ZBTB38: variants seen among roughly 807,000 people sequenced by gnomAD.
The protein encoded by ZBTB38 is zinc finger and BTB domain containing 38, also known as zinc finger and BTB domain-containing protein 38.
A neutral mutation model predicts 76.8 loss-of-function variants in ZBTB38; 20 were observed. The ratio of observed to expected loss-of-function variants is 0.26; its 90% confidence interval spans 0.18 to 0.38. The LOEUF (loss-of-function observed/expected upper bound fraction) is 0.38, where lower values mean the gene tolerates loss of function less well. Ranked by LOEUF, ZBTB38 falls within the 10% of genes least tolerant of loss-of-function variation. The probability of loss-of-function intolerance (pLI) is 1.00; values close to 1 mark genes in which losing one functional copy is unlikely to be tolerated. For synonymous variants in ZBTB38, 504 were observed against 544.2 expected (o/e 0.93, Z 1.03); for missense variants, 1,082 against 1,482.3 (o/e 0.73, Z 4.43).
chr3:141,338,321 C>T (rs575609993), intron 1 of ZBTB38, among the ~76,000 whole-genome samples: 61 of 152,294 alleles, frequency 4.0e-4, no homozygotes, highest in African/African-American at 1.4e-3. Flanking sequence ...GAATATAAAT[C>T]GTTCTGCTGT....
At chr3:141,356,662 C>T (rs1943672534) in intron 1 of ZBTB38, among the ~76,000 whole-genome samples, 1 of 151,314 alleles carries the variant, frequency 6.6e-6, no homozygotes, top group Non-Finnish European at 1.5e-5. Context: ...CTCTCCTCAT[C>T]GAGTTGGTCA....
intron 2 of ZBTB38, among the ~76,000 whole-genome samples, chr3:141,373,804 T>C (rs1053433131): frequency 2.0e-5 from 3 of 152,206 alleles, no homozygotes; most frequent in African/African-American, 7.2e-5. Context: ...CAAAATGATA[T>C]GGGCAACTTA....
At chr3:141,358,203 G>A (rs1310512263) in intron 1 of ZBTB38, among the ~76,000 whole-genome samples, 5 of 152,182 alleles carry the variant, frequency 3.3e-5, no homozygotes, top group Non-Finnish European at 7.4e-5. Flanking sequence ...GGTGCAAGGG[G>A]CATTTCTGCC....
At chr3:141,358,562 A>G (rs778776402) in intron 1 of ZBTB38, among the ~76,000 whole-genome samples, 1 of 152,268 alleles carries the variant, frequency 6.6e-6, no homozygotes, top group Non-Finnish European at 1.5e-5. Flanking sequence ...TTCACACATC[A>G]TTCAATTCAC....
chr3:141,404,336 G>A (rs567982420), intron 5 of ZBTB38, among the ~76,000 whole-genome samples: 3 of 152,332 alleles, frequency 2.0e-5, no homozygotes, highest in Admixed American at 6.5e-5. Flanking sequence ...AGGATGCACT[G>A]ACATTGCTGA....
intron 5 of ZBTB38, among the ~76,000 whole-genome samples, chr3:141,405,159 C>G (rs1953925306): frequency 6.6e-6 from 1 of 152,192 alleles, no homozygotes; most frequent in Non-Finnish European, 1.5e-5. Context: ...CACTTGGGTA[C>G]TCAAGACCAG....
At position 141,444,754 on chromosome 3, in the gene ZBTB38, C is replaced by T. The variant is rs752377477; in HGVS notation, c.2366C>T (p.Pro789Leu). ...KTTSHTRGEI[P>L]EESNYVADPG... ...ACATCACATACCAGGGGAGAAATAC[C>T]GGAGGAGTCAAACTATGTTGCTGAT... Residue 789 changes from proline to leucine, a missense_variant, in exon 6 of 6, where the codon CCG becomes CTG. Coordinates refer to ENST00000321464, the MANE Select transcript of ZBTB38 (RefSeq NM_001376113.1). This position sits in a 1 kb window ranked among gnomAD's most constrained non-coding sequence, Gnocchi z 5.1. 32 of 1,613,934 alleles carry T rather than the reference C, an allele frequency of 2.0e-5. No individual in the cohort carries two copies. Among genetic ancestry groups the T allele is most frequent in the Admixed American group, 3.3e-5 (2 of 59,994 alleles).
intron 2 of ZBTB38, among the ~76,000 whole-genome samples, chr3:141,376,685 C>G (rs569172693): frequency 6.6e-6 from 1 of 152,342 alleles, no homozygotes; most frequent in South Asian, 2.1e-4. Context: ...CTCTGATACT[C>G]AGATGACATT....
intron 3 of ZBTB38, chr3:141,384,770 G>A (rs1291598152): frequency 6.6e-6 from 1 of 152,176 alleles, no homozygotes; most frequent in Non-Finnish European, 1.5e-5. Context: ...TCCACCATTG[G>A]TGTGAGACCA....
intron 5 of ZBTB38, among the ~76,000 whole-genome samples, chr3:141,435,850 G>C (rs1468638209): frequency 2.0e-5 from 3 of 151,878 alleles, no homozygotes; most frequent in African/African-American, 4.8e-5. Flanking sequence ...AAGTCCGATG[G>C]CCAGTTATCC....
chr3:141,439,218 A>G (rs1185138158), intron 5 of ZBTB38, among the ~76,000 whole-genome samples: 2 of 152,260 alleles, frequency 1.3e-5, no homozygotes, highest in South Asian at 2.1e-4. Context: ...TCATATCTCC[A>G]GTATAACTCT....
At chr3:141,338,528 C>T (rs565478042) in intron 1 of ZBTB38, among the ~76,000 whole-genome samples, 22 of 152,268 alleles carry the variant, frequency 1.4e-4, no homozygotes, top group African/African-American at 4.6e-4. Flanking sequence ...TTATCCTAAG[C>T]GAATTCATGC....
At chr3:141,414,675 G>A (rs910075333) in intron 5 of ZBTB38, among the ~76,000 whole-genome samples, 16 of 152,192 alleles carry the variant, frequency 1.1e-4, no homozygotes, top group African/African-American at 3.1e-4. Flanking sequence ...AGGCATGTCC[G>A]TCTTAAGGCA....
intron 3 of ZBTB38, among the ~76,000 whole-genome samples, chr3:141,381,764 A>G (rs971548696): frequency 1.3e-5 from 2 of 152,178 alleles, no homozygotes; most frequent in African/African-American, 4.8e-5. Flanking sequence ...CTGGCCACCT[A>G]CACCAGAAGA....
At chr3:141,353,303 G>A (rs1373101882) in intron 1 of ZBTB38, among the ~76,000 whole-genome samples, 1 of 151,652 alleles carries the variant, frequency 6.6e-6, no homozygotes, top group African/African-American at 2.4e-5. Flanking sequence ...CATGAGTTCT[G>A]GCCCTTCCCC....
chr3:141,436,777 C>T (rs1248986384), intron 5 of ZBTB38, among the ~76,000 whole-genome samples: 4 of 152,188 alleles, frequency 2.6e-5, no homozygotes, highest in Admixed American at 2.6e-4. Flanking sequence ...GGATTACAGG[C>T]ATGAGCCACC....
At chr3:141,351,802 T>C (rs895984341) in intron 1 of ZBTB38, among the ~76,000 whole-genome samples, 1 of 151,736 alleles carries the variant, frequency 6.6e-6, no homozygotes, top group African/African-American at 2.4e-5. Context: ...AGGTTGAAAA[T>C]GTTAAATATT....
intron 1 of ZBTB38, among the ~76,000 whole-genome samples, chr3:141,341,031 T>C (rs1187081504): frequency 1.4e-5 from 2 of 147,250 alleles, no homozygotes; most frequent in South Asian, 4.4e-4. Context: ...GATAGACAAG[T>C]GGTTAATAAG....
At chr3:141,326,881 C>T (rs958089793) in intron 1 of ZBTB38, among the ~76,000 whole-genome samples, 5 of 152,128 alleles carry the variant, frequency 3.3e-5, no homozygotes, top group African/African-American at 1.2e-4. Flanking sequence ...TTTGTGGCAC[C>T]AGTAGAACAA....
Sources: gnomAD v4.1 joint callset for allele counts (sites outside exome capture counted in the v4.1 genomes callset) on GRCh38, gnomAD v4.1.1 for gene constraint, Gnocchi (gnomAD v3.1) non-coding constraint, MANE v1.5 for transcripts, NCBI Gene and HGNC (gene_info 2026-07-23, HGNC 2026-07-21) for gene names.